The following NOTCH2 variants were observed in gnomAD, a reference collection of about 807,000 sequenced individuals.
NOTCH2 encodes notch receptor 2.
A neutral mutation model predicts 235.8 loss-of-function variants in NOTCH2; 29 were observed. The observed-to-expected ratio is 0.12, with a 90% CI of 0.09 to 0.17. NOTCH2 has a LOEUF of 0.17. NOTCH2 is among the 10% of genes least tolerant of loss of function. The pLI, the probability that NOTCH2 is intolerant of heterozygous loss-of-function variation, is 1.00. For synonymous variants in NOTCH2, 1,086 were observed against 1,141.5 expected (o/e 0.95, Z 0.98); for missense variants, 2,285 against 3,150.2 (o/e 0.73, Z 6.57).
At chr1:119,983,082 G>A (rs907566081) in intron 5 of NOTCH2, among the ~76,000 whole-genome samples, 2 of 152,084 alleles carry the variant, frequency 1.3e-5, no homozygotes, top group African/African-American at 4.8e-5. Flanking sequence ...AAAAGGAATA[G>A]GGGAAATTAA....
intron 17 of NOTCH2, among the ~76,000 whole-genome samples, chr1:119,942,894 G>T (rs2493419): frequency 1.7e-4 from 22 of 132,260 alleles, no homozygotes; most frequent in African/African-American, 5.1e-4. Context: ...TTTTTTTTTG[G>T]TGAAGTCTCA....
chr1:119,953,681 A>T lies in NOTCH2; in HGVS notation c.2227T>A (p.Cys743Ser). 6.2e-7 allele frequency: 1 copy of T among 1,614,128 alleles called. No individual in the cohort carries two copies. The highest frequency in any genetic ancestry group is 8.5e-7 in the Non-Finnish European group (1 of 1,179,978). ...NCTGGLSGYK[C>S]LCDAGWVGIN... ...CCAACCCAGCCTGCATCACAGAGAC[A>T]CTTATATCTGAAAGAAGACAAAACT... The change falls in exon 14 of 34, where the codon TGT becomes AGT. Residue 743 changes from cysteine (C) to serine (S), a missense_variant. Physicochemically the swap from Cys to Ser is moderately radical, Grantham distance 112. Transcript: ENST00000256646.
intron 9 of NOTCH2, 51 bp from the exon 10 acceptor site, chr1:119,965,617 CT>C: frequency 2.4e-6 from 3 of 1,240,648 alleles, no homozygotes; most frequent in Non-Finnish European, 3.6e-6. Flanking sequence ...TTGTGTCTCC[CT>C]TTACCATGAG....
In NOTCH2 at chr1:119,941,607, T is replaced by C; in HGVS notation, c.2900A>G (p.Tyr967Cys). Residue 967 changes from tyrosine to cysteine, a missense_variant, in exon 18 of 34, where the codon TAC becomes TGC. Tyr to Cys is a radical substitution (Grantham distance 194, BLOSUM62 -2). This residue lies in a region of NOTCH2 where 1,173 missense variants were observed against 1,515.3 expected (regional missense o/e 0.77). Transcript: ENST00000256646. ...GCACTTGCAAGTGTAACTGTTGACG[T>C]AGTCAGAGCAGGTCCCTCCATTCTT... ...PCKNGGTCSD[Y>C]VNSYTCKCQA... The C allele has an allele frequency of 6.2e-7, 1 of 1,614,168 alleles. No homozygotes were observed. The highest frequency in any genetic ancestry group is 8.5e-7 in the Non-Finnish European group (1 of 1,180,014).
chr1:119,924,069 A>C lies in NOTCH2; in HGVS notation c.4512-85T>G, dbSNP rs140172087. On this transcript the variant is annotated intron_variant, in intron 25 of 33. Coordinates refer to ENST00000256646, the MANE Select transcript of NOTCH2 (RefSeq NM_024408.4). ...GCTTTTTCATTTGGAACTACTGTGGATTTTCCTACCCATTTTCTGTGGCCC... is the reference window on the plus strand; with the variant it reads ...GCTTTTTCATTTGGAACTACTGTGGCTTTTCCTACCCATTTTCTGTGGCCC... 191 of 1,191,544 alleles carry C rather than the reference A, an allele frequency of 1.6e-4. No individual in the cohort carries two copies. The African/African-American group carries it at 2.2e-3, about 14-fold the overall frequency. The allele number at this position is 1,191,544 out of a possible 1,614,324, so 73.8% of individuals were successfully genotyped here. A position where few individuals can be genotyped will look rare whatever the true frequency, so the allele number is the denominator to read the frequency against.
chr1:119,950,860 A>G (rs1300487467), intron 14 of NOTCH2, 23 bp from the exon 15 acceptor site: 9 of 1,448,658 alleles, frequency 6.2e-6, no homozygotes, highest in Middle Eastern at 1.7e-4. Flanking sequence ...GGAAAAAACC[A>G]AAAACAGTAA....
At chr1:119,959,348 G>A (rs782441844) in intron 12 of NOTCH2, 44 bp downstream of exon 12, 2 of 1,033,606 alleles carry the variant, frequency 1.9e-6, no homozygotes, top group South Asian at 2.5e-5. Context: ...TATTCCCAAA[G>A]TGATAGGGCT....
chr1:120,024,762 G>A (rs587718291), intron 2 of NOTCH2, among the ~76,000 whole-genome samples: 37 of 152,334 alleles, frequency 2.4e-4, no homozygotes, highest in Non-Finnish European at 4.7e-4. Flanking sequence ...ACTTTCTGCT[G>A]TTTTACAAAC....
Position 119,929,355 on chromosome 1 carries a change from C to T in NOTCH2, c.3656-143G>A, listed in dbSNP as rs1399518204. ...AGTGGGACCTTGTAGTTGGGCAGGGCAAAGCACACTCTTTATTCATGACAG... is the reference window on the plus strand; with the variant it reads ...AGTGGGACCTTGTAGTTGGGCAGGGTAAAGCACACTCTTTATTCATGACAG... On this transcript the variant is annotated intron_variant, in intron 22 of 33. Coordinates refer to ENST00000256646, the MANE Select transcript of NOTCH2 (RefSeq NM_024408.4). The T allele has an allele frequency of 1.9e-5, 14 of 719,946 alleles. No homozygotes were observed. The East Asian group carries it at 3.5e-4, about 18-fold the overall frequency. 44.6% of individuals were successfully genotyped at this position (719,946 alleles called of 1,614,324 possible).
chr1:119,984,044 G>A (rs1651919340), intron 5 of NOTCH2, among the ~76,000 whole-genome samples: 1 of 152,136 alleles, frequency 6.6e-6, no homozygotes, highest in Admixed American at 6.6e-5. Context: ...GGTGGAAATT[G>A]TAAAAGGAAT....
chr1:119,923,208 G>GT (rs1459047966), intron 26 of NOTCH2, among the ~76,000 whole-genome samples: 2 of 152,168 alleles, frequency 1.3e-5, no homozygotes, highest in African/African-American at 4.8e-5. Flanking sequence ...TAGCTGGAGG[G>GT]TTGAAAGTTT....
At chr1:119,974,180 C>A (rs1651474794) in intron 5 of NOTCH2, among the ~76,000 whole-genome samples, 1 of 152,214 alleles carries the variant, frequency 6.6e-6, no homozygotes, top group Non-Finnish European at 1.5e-5. Context: ...ATCTTCAATA[C>A]AAACAAGTGT....
chr1:119,915,486 A>G lies in NOTCH2; in HGVS notation c.7236T>C (p.His2412=), dbSNP rs1237863240. The change falls in exon 34 of 34, where the codon CAT becomes CAC. Residue 2412 remains histidine, a synonymous_variant. Transcript: ENST00000256646. ...PSHSGHLQGE[H]PYLTPSPESP... is the part of the protein sequence containing the mutation. ...ACTCTGGGGATGGTGTCAGGTAGGG[A>G]TGCTCACCCTGGAGGTGACCACTGT... 1 of 1,614,076 alleles carries G rather than the reference A, an allele frequency of 6.2e-7. No individual in the cohort carries two copies. The highest frequency in any genetic ancestry group is 8.5e-7 in the Non-Finnish European group (1 of 1,180,004).
chr1:119,959,647 A>G, intron 11 of NOTCH2, 145 bp from the exon 12 acceptor site: 1 of 695,252 alleles, frequency 1.4e-6, no homozygotes, highest in Admixed American at 2.0e-5. Context: ...CTCAAAATGC[A>G]GTCCACAGAC....
chr1:119,954,268 A>G lies in NOTCH2; in HGVS notation c.2220-580T>C, dbSNP rs587702955. The stretch of plus-strand genomic sequence containing the variant: ...GAACATCACTAACACTTAGAATGTG[A>G]TATCAGGAAATGATAGCTTTCTTAT... On this transcript the variant is annotated intron_variant, in intron 13 of 33. Transcript: ENST00000256646. Among the ~76,000 whole-genome samples the G allele has an allele frequency of 1.1e-4, 16 of 152,352 alleles. No individual in the cohort carries two copies. The East Asian group carries it at 2.7e-3, about 26-fold the overall frequency.
At chr1:119,965,604 A>T in intron 9 of NOTCH2, 38 bp from the exon 10 acceptor site, 1 of 1,333,566 alleles carries the variant, frequency 7.5e-7, no homozygotes, top group African/African-American at 1.4e-5. Flanking sequence ...TCAAAGGATT[A>T]TCTTGTGTCT....
chr1:120,069,348 G>T lies in NOTCH2; in HGVS notation c.59C>A (p.Ala20Glu), dbSNP rs1302570383. ...CCGATACTCACCATGCGCGGGGGCC[G>T]CGCAGCACAGCCAGAGCGCCAGCAG... ...WALLALWLCC[A>E]APAHALQCRD... Residue 20 changes from alanine to glutamate, a missense_variant, in exon 1 of 34, where the codon GCG (alanine) becomes GAG (glutamate). This residue lies in a region of NOTCH2 where 37 missense variants were observed against 31.4 expected (regional missense o/e 1.18). Coordinates refer to ENST00000256646, the MANE Select transcript of NOTCH2 (RefSeq NM_024408.4). 1.3e-6 allele frequency: 2 copies of T among 1,570,422 alleles called. No individual in the cohort carries two copies. The highest frequency in any genetic ancestry group is 4.6e-5 in the East Asian group (2 of 43,170).
chr1:120,055,797 A>G (rs1553215161), intron 1 of NOTCH2, among the ~76,000 whole-genome samples: 1 of 151,832 alleles, frequency 6.6e-6, no homozygotes, highest in Non-Finnish European at 1.5e-5. Flanking sequence ...GTTAAAATAT[A>G]AAGCCCTTTT....
At chr1:120,036,902 C>A (rs1689981) in intron 1 of NOTCH2, among the ~76,000 whole-genome samples, 74 of 152,096 alleles carry the variant, frequency 4.9e-4, no homozygotes, top group African/African-American at 1.7e-3. Flanking sequence ...ATGCTTTTCA[C>A]TATCATACCA....
Sources: gnomAD v4.1 joint callset for allele counts (sites outside exome capture counted in the v4.1 genomes callset) on GRCh38, gnomAD v4.1.1 for gene constraint, gnomAD v4.1.1 regional missense constraint, MANE v1.5 for transcripts, NCBI Gene and HGNC (gene_info 2026-07-23, HGNC 2026-07-21) for gene names.